Variants in OSBPL6 observed in about 807,000 individuals in gnomAD.
OSBPL6 encodes oxysterol-binding protein-related protein 6.
In OSBPL6, 49 loss-of-function variants were observed where a neutral mutation model predicts 125.8. The ratio of observed to expected loss-of-function variants is 0.39; its 90% CI spans 0.31 to 0.49. The LOEUF is 0.49. Among genes scored for constraint, OSBPL6 ranks in the 20% least tolerant of loss-of-function variants. The probability of loss-of-function intolerance (pLI) is 0.88; values close to 1 mark genes in which losing one functional copy is unlikely to be tolerated. For synonymous variants in OSBPL6, 394 were observed against 391.8 expected, an observed-to-expected ratio of 1.01 and a Z score of -0.07; for missense variants, 986 against 1,135.4, an observed-to-expected ratio of 0.87 and a Z score of 1.89.
chr2:178,307,947 G>A (rs1360861863), intron 3 of OSBPL6, among the ~76,000 whole-genome samples: 3 of 152,194 alleles, frequency 2.0e-5, no homozygotes, highest in Admixed American at 2.0e-4. Flanking sequence ...GTGTGCCGGA[G>A]GGAGCATGAA....
chr2:178,392,529 C>T lies in OSBPL6; in HGVS notation c.2564C>T (p.Pro855Leu). The change falls in exon 23 of 25, where the codon CCA (proline) becomes CTA (leucine). Residue 855 changes from proline to leucine, a missense_variant. Physicochemically the swap from Pro to Leu is moderately conservative, Grantham distance 98. Transcript: ENST00000190611. ...LLPPTDARFR[P>L]DQRFLEEGNL... ...CCACCAACAGACGCCCGGTTCCGGCCAGATCAAAGGTGAGGATGGCAGTGG... is the reference window on the plus strand; with the variant it reads ...CCACCAACAGACGCCCGGTTCCGGCTAGATCAAAGGTGAGGATGGCAGTGG... The T allele has an allele frequency of 6.2e-7, 1 of 1,613,956 alleles. No homozygotes were observed. Among genetic ancestry groups the T allele is most frequent in the Non-Finnish European group, 8.5e-7 (1 of 1,179,944 alleles).
At chr2:178,240,060 G>C (rs917793060) in intron 1 of OSBPL6, among the ~76,000 whole-genome samples, 3 of 152,056 alleles carry the variant, frequency 2.0e-5, no homozygotes, top group Admixed American at 6.6e-5. Context: ...TCAAATAGAA[G>C]AAGCATATTA....
intron 1 of OSBPL6, among the ~76,000 whole-genome samples, chr2:178,205,780 G>T (rs1457241548): frequency 6.6e-6 from 1 of 152,128 alleles, no homozygotes; most frequent in Non-Finnish European, 1.5e-5. Context: ...AAATATGATA[G>T]ATTTGTATAT....
At chr2:178,205,462 G>C (rs1429544274) in intron 1 of OSBPL6, among the ~76,000 whole-genome samples, 1 of 152,102 alleles carries the variant, frequency 6.6e-6, no homozygotes, top group African/African-American at 2.4e-5. Context: ...AATAAGTTCT[G>C]GATCTCTAAT....
At chr2:178,378,665 G>A (rs1694116440) in intron 15 of OSBPL6, among the ~76,000 whole-genome samples, 1 of 152,230 alleles carries the variant, frequency 6.6e-6, no homozygotes, top group Non-Finnish European at 1.5e-5. Flanking sequence ...ACGGGGCAGA[G>A]GACAAACTGT....
intron 1 of OSBPL6, among the ~76,000 whole-genome samples, chr2:178,195,305 C>G (rs1199702102): frequency 6.6e-6 from 1 of 152,246 alleles, no homozygotes; most frequent in African/African-American, 2.4e-5. Flanking sequence ...GTCCACTCCC[C>G]CGGCCAGGGC....
chr2:178,225,710 A>C (rs1410009697), intron 1 of OSBPL6, among the ~76,000 whole-genome samples: 1 of 152,216 alleles, frequency 6.6e-6, no homozygotes, highest in Non-Finnish European at 1.5e-5. Context: ...AGCAAGTCAC[A>C]ATCTTACACA....
chr2:178,366,118 G>A (rs6760017), intron 13 of OSBPL6, among the ~76,000 whole-genome samples: 1 of 152,062 alleles, frequency 6.6e-6, no homozygotes, highest in Non-Finnish European at 1.5e-5. Context: ...TCTCGAACTC[G>A]TGGCCTCAAG....
At position 178,398,503 on chromosome 2, in the gene OSBPL6, C is replaced by A. The variant is rs752573277; in HGVS notation, c.*2944C>A. The stretch of plus-strand genomic sequence containing the variant: ...AGCTCATCGATTCCATATGCTGTCA[C>A]CCAGGGTGCAGATTTACTCTCTTTT... On this transcript the variant is annotated 3_prime_UTR_variant, in exon 25 of 25. Coordinates refer to ENST00000190611, the MANE Select transcript of OSBPL6 (RefSeq NM_032523.4). 1 of 152,120 alleles carries A rather than the reference C, an allele frequency of 6.6e-6. No individual in the cohort carries two copies. Among genetic ancestry groups the A allele is most frequent in the Non-Finnish European group, 1.5e-5 (1 of 68,036 alleles). 9.4% of individuals were successfully genotyped at this position (152,120 alleles called of 1,614,324 possible).
At chr2:178,360,648 A>G (rs901494985) in intron 12 of OSBPL6, among the ~76,000 whole-genome samples, 1 of 152,224 alleles carries the variant, frequency 6.6e-6, no homozygotes, top group Non-Finnish European at 1.5e-5. Context: ...GCAAAGAAAC[A>G]AAAGAACTTT....
intron 1 of OSBPL6, among the ~76,000 whole-genome samples, chr2:178,214,294 A>T (rs1006186950): frequency 6.6e-6 from 1 of 152,248 alleles, no homozygotes; most frequent in Non-Finnish European, 1.5e-5. Context: ...TAAAGGCCTT[A>T]TATAGATTTT....
intron 3 of OSBPL6, among the ~76,000 whole-genome samples, chr2:178,319,873 A>G (rs1359798326): frequency 6.6e-6 from 1 of 152,198 alleles, no homozygotes; most frequent in Non-Finnish European, 1.5e-5. Context: ...ATTTTGGGTA[A>G]TCTGTGAATA....
rs140976962 is a variant in OSBPL6, at chr2:178,328,830, T to C, written c.318+452T>C. 1.4e-4 allele frequency among the ~76,000 whole-genome samples: 21 copies of C among 152,292 alleles called. No homozygotes were observed. In the East Asian group the frequency reaches 4.1e-3, roughly 29 times the overall value. ...GGCCTTATTTTAACCACATGGGTTGTAGTCTATTATAGTTAACAGAGACTG... is the reference window on the plus strand; with the variant it reads ...GGCCTTATTTTAACCACATGGGTTGCAGTCTATTATAGTTAACAGAGACTG... On this transcript the variant is annotated intron_variant, in intron 5 of 24. Coordinates refer to ENST00000190611, the MANE Select transcript of OSBPL6 (RefSeq NM_032523.4).
At chr2:178,252,719 A>G (rs563314978) in intron 1 of OSBPL6, among the ~76,000 whole-genome samples, 2 of 152,304 alleles carry the variant, frequency 1.3e-5, no homozygotes, top group East Asian at 1.9e-4. Context: ...GTAAATCCTT[A>G]CAATTAATGC....
intron 1 of OSBPL6, among the ~76,000 whole-genome samples, chr2:178,231,286 A>G (rs2090805940): frequency 6.6e-6 from 1 of 152,118 alleles, no homozygotes; most frequent in Admixed American, 6.5e-5. Flanking sequence ...TATTATGCAA[A>G]TGGGCTTTCC....
At chr2:178,365,391 A>G (rs1692737864) in intron 13 of OSBPL6, among the ~76,000 whole-genome samples, 1 of 152,232 alleles carries the variant, frequency 6.6e-6, no homozygotes, top group Admixed American at 6.5e-5. Context: ...CATGCTTAGC[A>G]TAAATTGTTA....
intron 2 of OSBPL6, among the ~76,000 whole-genome samples, chr2:178,288,581 A>G (rs1466378666): frequency 1.3e-5 from 2 of 151,928 alleles, no homozygotes; most frequent in African/African-American, 4.8e-5. Flanking sequence ...TAAGTGGGGG[A>G]AAAAAAGGAG....
chr2:178,209,076 C>G (rs2089704765), intron 1 of OSBPL6, among the ~76,000 whole-genome samples: 1 of 152,078 alleles, frequency 6.6e-6, no homozygotes, highest in South Asian at 2.1e-4. Context: ...GTAGTATTTT[C>G]TCTCTTTATG....
chr2:178,385,436 T>TC (rs34784245), intron 18 of OSBPL6, 22 bp from the exon 19 acceptor site: 65,987 of 1,574,730 alleles, frequency 0.042, 3,351 homozygotes, highest in African/African-American at 0.22. Context: ...GATACTGCCT[T>TC]TTTTTTGTTT....
Sources: gnomAD v4.1 joint callset for allele counts (sites outside exome capture counted in the v4.1 genomes callset) on GRCh38, gnomAD v4.1.1 for gene constraint, MANE v1.5 for transcripts, NCBI Gene and HGNC (gene_info 2026-07-23, HGNC 2026-07-21) for gene names.